Variants in LMX1A observed in about 807,000 individuals in gnomAD.
LMX1A encodes the protein LIM homeobox transcription factor 1 alpha, also known as LIM homeobox transcription factor 1-alpha.
Under a neutral mutation model 49.1 loss-of-function variants are expected in LMX1A, and 15 were observed. That is an observed-to-expected ratio of 0.31 (90% CI 0.20 to 0.47). The LOEUF (loss-of-function observed/expected upper bound fraction) is 0.47, where lower values mean the gene tolerates loss of function less well. Ranked by LOEUF, LMX1A falls within the 20% of genes least tolerant of loss-of-function variation. The pLI is 1.00. For missense variants in LMX1A, 372 were observed against 475.8 expected (o/e 0.78, Z 2.03); for synonymous variants, 167 against 185.7 (o/e 0.90, Z 0.82).
At chr1:165,327,656 C>A (rs1639102558) in intron 3 of LMX1A, among the ~76,000 whole-genome samples, 1 of 152,252 alleles carries the variant, frequency 6.6e-6, no homozygotes, top group Admixed American at 6.5e-5. Context: ...TCCCACAGCA[C>A]TCCACCACCA....
intron 3 of LMX1A, among the ~76,000 whole-genome samples, chr1:165,334,845 C>T (rs1037434655): frequency 2.6e-5 from 4 of 151,806 alleles, no homozygotes; most frequent in Admixed American, 6.6e-5. Flanking sequence ...CCAGGAATGC[C>T]CAGTCTCTGG....
intron 3 of LMX1A, among the ~76,000 whole-genome samples, chr1:165,295,800 A>C (rs1005241577): frequency 3.6e-4 from 55 of 152,130 alleles, no homozygotes; most frequent in Non-Finnish European, 4.6e-4. Flanking sequence ...CCCAGGAGAA[A>C]ACTACCTCCC....
chr1:165,212,307 C>T (rs1056794338), intron 5 of LMX1A, among the ~76,000 whole-genome samples: 7 of 152,114 alleles, frequency 4.6e-5, no homozygotes, highest in Non-Finnish European at 4.4e-5. Context: ...AAGAGATTTT[C>T]GATGGGCTTC....
chr1:165,349,859 A>G (rs1175644056), intron 3 of LMX1A, among the ~76,000 whole-genome samples: 3 of 152,228 alleles, frequency 2.0e-5, no homozygotes, highest in African/African-American at 7.2e-5. Flanking sequence ...GAGACAGCTA[A>G]TAATTCAAAT....
At chr1:165,213,859 C>T (rs1168075472) in intron 4 of LMX1A, 46 bp from the exon 5 acceptor site, 7 of 1,583,302 alleles carry the variant, frequency 4.4e-6, no homozygotes, top group Non-Finnish European at 3.5e-6. Context: ...AAAGCCAGTT[C>T]CTGGAGCTGT....
intron 2 of LMX1A, 96 bp from the exon 3 acceptor site, chr1:165,353,358 G>A: frequency 1.0e-6 from 1 of 966,534 alleles, no homozygotes; most frequent in Non-Finnish European, 1.5e-6. Context: ...CACATCCACG[G>A]ATTCCCCCAG....
At chr1:165,233,699 C>T (rs899278150) in intron 4 of LMX1A, among the ~76,000 whole-genome samples, 2 of 152,226 alleles carry the variant, frequency 1.3e-5, no homozygotes, top group Admixed American at 6.5e-5. Context: ...ACATTTAGAA[C>T]TCTCAGTCAT....
At chr1:165,219,424 G>A (rs1215261300) in intron 4 of LMX1A, among the ~76,000 whole-genome samples, 1 of 149,654 alleles carries the variant, frequency 6.7e-6, no homozygotes, top group African/African-American at 2.6e-5. Flanking sequence ...GTAGAGGAAG[G>A]GTCTGGGATT....
At chr1:165,282,280 C>T (rs1382271773) in intron 3 of LMX1A, among the ~76,000 whole-genome samples, 2 of 152,186 alleles carry the variant, frequency 1.3e-5, no homozygotes, top group Non-Finnish European at 2.9e-5. Context: ...TATACAGTCA[C>T]CCCTCAACAT....
intron 3 of LMX1A, among the ~76,000 whole-genome samples, chr1:165,302,319 G>A (rs555068187): frequency 1.6e-4 from 25 of 151,984 alleles, no homozygotes; most frequent in South Asian, 4.2e-4. Context: ...TGGTGCATGC[G>A]TGTAATCCCA....
chr1:165,347,007 G>C (rs546383572), intron 3 of LMX1A, among the ~76,000 whole-genome samples: 6 of 152,282 alleles, frequency 3.9e-5, no homozygotes, highest in Middle Eastern at 3.4e-3. Context: ...TATATGACAA[G>C]GAGACACAAA....
chr1:165,320,649 C>A (rs1000908881), intron 3 of LMX1A, among the ~76,000 whole-genome samples: 1 of 152,174 alleles, frequency 6.6e-6, no homozygotes, highest in Non-Finnish European at 1.5e-5. Flanking sequence ...TCCCTAAGAT[C>A]AAATGTGTAC....
intron 3 of LMX1A, among the ~76,000 whole-genome samples, chr1:165,289,130 T>C (rs1380183994): frequency 6.6e-6 from 1 of 152,048 alleles, no homozygotes; most frequent in African/African-American, 2.4e-5. Context: ...GAAGCTATGA[T>C]TATATGTCCA....
intron 3 of LMX1A, among the ~76,000 whole-genome samples, chr1:165,284,259 G>A (rs12405561): frequency 0.13 from 20,057 of 152,206 alleles, 1,321 homozygotes; most frequent in Admixed American, 0.17. Flanking sequence ...ATTGTAAAGC[G>A]TGAGCTGTAA....
intron 3 of LMX1A, among the ~76,000 whole-genome samples, chr1:165,296,882 A>G (rs1022507460): frequency 6.6e-6 from 1 of 152,282 alleles, no homozygotes; most frequent in Non-Finnish European, 1.5e-5. Flanking sequence ...TGCTTGATTT[A>G]GCAAGAAGGT....
intron 3 of LMX1A, among the ~76,000 whole-genome samples, chr1:165,275,518 T>C (rs1433543696): frequency 6.6e-6 from 1 of 152,176 alleles, no homozygotes; most frequent in African/African-American, 2.4e-5. Flanking sequence ...CTCCCAATAT[T>C]CATAGACCCT....
chr1:165,226,097 G>A (rs772319693), intron 4 of LMX1A, among the ~76,000 whole-genome samples: 6 of 152,064 alleles, frequency 3.9e-5, no homozygotes, highest in East Asian at 1.9e-4. Flanking sequence ...CAAGTATAAC[G>A]TAACCTAAGA....
chr1:165,337,110 G>A (rs562652814), intron 3 of LMX1A, among the ~76,000 whole-genome samples: 1 of 152,240 alleles, frequency 6.6e-6, no homozygotes, highest in African/African-American at 2.4e-5. Context: ...TATAATCACT[G>A]CTGTATCCCA....
intron 3 of LMX1A, among the ~76,000 whole-genome samples, chr1:165,324,126 C>T (rs1655501557): frequency 1.3e-5 from 2 of 152,204 alleles, no homozygotes; most frequent in Non-Finnish European, 2.9e-5. Context: ...TCAGTCGATT[C>T]TGTGGAATGG....
Sources: gnomAD v4.1 joint callset for allele counts (sites outside exome capture counted in the v4.1 genomes callset) on GRCh38, gnomAD v4.1.1 for gene constraint, MANE v1.5 for transcripts, NCBI Gene and HGNC (gene_info 2026-07-23, HGNC 2026-07-21) for gene names.